Variants in NMU observed in about 807,000 individuals in gnomAD.
The protein encoded by NMU is neuromedin U, also known as neuromedin-U.
NMU carries 29 observed loss-of-function variants against 35.4 expected under a neutral mutation model. The observed-to-expected ratio is 0.82, with a 90% CI of 0.61 to 1.12. The LOEUF is 1.12. Ranked by LOEUF, NMU falls within the 50% of genes most tolerant of loss-of-function variation. The pLI is 0.00. For missense variants in NMU, 199 were observed against 206.2 expected, an observed-to-expected ratio of 0.97 and a Z score of 0.21; for synonymous variants, 78 against 81.3, an observed-to-expected ratio of 0.96 and a Z score of 0.22.
intron 9 of NMU, among the ~76,000 whole-genome samples, chr4:55,597,402 CTT>C (rs1733231338): frequency 6.7e-6 from 1 of 149,620 alleles, no homozygotes; most frequent in African/African-American, 2.5e-5. Flanking sequence ...TTTTTTTGCT[CTT>C]GTTGCCCAGG....
chr4:55,604,023 A>ATATGTATATATACATGTG (rs1733565837), intron 7 of NMU, among the ~76,000 whole-genome samples: 1 of 131,554 alleles, frequency 7.6e-6, no homozygotes, highest in Non-Finnish European at 1.7e-5. Flanking sequence ...ATGTGTATAT[A>ATATGTATATATACATGTG]TATAATCCTA....
intron 4 of NMU, among the ~76,000 whole-genome samples, chr4:55,607,999 T>A (rs1733764341): frequency 6.6e-6 from 1 of 151,886 alleles, no homozygotes; most frequent in Non-Finnish European, 1.5e-5. Context: ...TGAAACCCTG[T>A]CTCTACTAAA....
chr4:55,616,254 A>G lies in NMU; in HGVS notation c.219+84T>C, dbSNP rs537377315. Reference sequence around the variant, plus strand: ...CACGTTGACATGTTTTCACGAACACATAAAGGTTCCAAAGGCAGCAATGGA... The same window carrying G: ...CACGTTGACATGTTTTCACGAACACGTAAAGGTTCCAAAGGCAGCAATGGA... On this transcript the variant is annotated intron_variant, in intron 3 of 9. Transcript: ENST00000264218. 5 of 931,534 alleles carry G rather than the reference A, an allele frequency of 5.4e-6. No individual in the cohort carries two copies. In the Admixed American group the frequency reaches 8.5e-5, roughly 16 times the overall value. 57.7% of individuals were successfully genotyped at this position (931,534 alleles called of 1,614,324 possible). A position where few individuals can be genotyped will look rare whatever the true frequency, so the allele number is the denominator to read the frequency against.
At chr4:55,632,332 A>G (rs1028126450) in intron 1 of NMU, among the ~76,000 whole-genome samples, 2 of 152,194 alleles carry the variant, frequency 1.3e-5, no homozygotes, top group African/African-American at 4.8e-5. Flanking sequence ...AATTCATACA[A>G]GTTTTTACTA....
chr4:55,628,371 T>A (rs1734618529), intron 2 of NMU, among the ~76,000 whole-genome samples: 1 of 152,294 alleles, frequency 6.6e-6, no homozygotes, highest in East Asian at 1.9e-4. Context: ...TTTTTTTGAC[T>A]TCCCCCTGCC....
intron 2 of NMU, among the ~76,000 whole-genome samples, chr4:55,625,917 C>T (rs1734509109): frequency 6.6e-6 from 1 of 151,994 alleles, no homozygotes; most frequent in Non-Finnish European, 1.5e-5. Flanking sequence ...CAGTGACAGA[C>T]AGCTGGGTTT....
chr4:55,601,583 C>G (rs776170449), intron 7 of NMU, among the ~76,000 whole-genome samples: 1 of 151,788 alleles, frequency 6.6e-6, no homozygotes, highest in African/African-American at 2.4e-5. Context: ...CATGTACCCC[C>G]AAAATATGTA....
chr4:55,604,027 A>ATATACATGTGTATATATACAC (rs1733567304), intron 7 of NMU, among the ~76,000 whole-genome samples: 32 of 28,896 alleles, frequency 1.1e-3, no homozygotes, highest in South Asian at 2.3e-3. Flanking sequence ...GTATATATAT[A>ATATACATGTGTATATATACAC]ATCCTAGAAA....
rs150933388 is a variant in NMU, at chr4:55,604,730, G to A, written c.435+545C>T. On this transcript the variant is annotated intron_variant, in intron 7 of 9. Coordinates refer to ENST00000264218, the MANE Select transcript of NMU (RefSeq NM_006681.4). ...GTATTTTTAGTAGGGACGGGGTTTC[G>A]CCATGTTGCCAAGGCTGGTCTTGAA... Among the ~76,000 whole-genome samples, 555 of 128,632 alleles carry A rather than the reference G, an allele frequency of 4.3e-3. 5 individuals carry two copies. Among genetic ancestry groups the A allele is most frequent in the African/African-American group, 0.015 (511 of 34,064 alleles). 84.4% of individuals were successfully genotyped at this position (128,632 alleles called of 152,430 possible). A position where few individuals can be genotyped will look rare whatever the true frequency, so the allele number is the denominator to read the frequency against.
At chr4:55,632,586 T>C (rs985323637) in intron 1 of NMU, among the ~76,000 whole-genome samples, 2 of 152,214 alleles carry the variant, frequency 1.3e-5, no homozygotes, top group African/African-American at 4.8e-5. Context: ...GTCACAGTTA[T>C]CTGGTAGATC....
chr4:55,619,130 T>G (rs1323998771), intron 2 of NMU, among the ~76,000 whole-genome samples: 2 of 152,078 alleles, frequency 1.3e-5, no homozygotes, highest in African/African-American at 2.4e-5. Flanking sequence ...CCTCGGCCTG[T>G]CAAAGAACTG....
intron 3 of NMU, among the ~76,000 whole-genome samples, chr4:55,612,802 T>A (rs1175247453): frequency 1.3e-5 from 2 of 152,238 alleles, no homozygotes; most frequent in Non-Finnish European, 2.9e-5. Flanking sequence ...AATATCTTAT[T>A]TTTAAATGTA....
intron 7 of NMU, among the ~76,000 whole-genome samples, chr4:55,602,019 T>TA (rs1263562037): frequency 6.6e-6 from 1 of 151,390 alleles, no homozygotes; most frequent in Non-Finnish European, 1.5e-5. Context: ...ATAATACAAA[T>TA]AAAAAAATTC....
intron 6 of NMU, 60 bp from the exon 7 acceptor site, chr4:55,605,409 G>A (rs1733639984): frequency 1.7e-6 from 2 of 1,189,866 alleles, no homozygotes; most frequent in Non-Finnish European, 2.5e-6. Context: ...TGGCCATCAA[G>A]ACGGTTTCCT....
chr4:55,600,032 GA>G (rs1046289214), intron 8 of NMU, among the ~76,000 whole-genome samples: 1 of 151,994 alleles, frequency 6.6e-6, no homozygotes, highest in Non-Finnish European at 1.5e-5. Flanking sequence ...TAGCTGCCTA[GA>G]AAAAAACCTC....
intron 3 of NMU, among the ~76,000 whole-genome samples, chr4:55,611,485 T>C (rs1733929437): frequency 1.3e-5 from 2 of 152,232 alleles, no homozygotes; most frequent in Non-Finnish European, 2.9e-5. Context: ...ACAGTGTTTA[T>C]GAAATCTGCA....
intron 1 of NMU, among the ~76,000 whole-genome samples, chr4:55,631,173 C>T (rs1734739385): frequency 6.6e-6 from 1 of 152,082 alleles, no homozygotes; most frequent in African/African-American, 2.4e-5. Context: ...TAAAAATCAA[C>T]TCAAGACCTA....
chr4:55,596,560 C>T (rs1454061343), intron 9 of NMU, among the ~76,000 whole-genome samples: 1 of 151,808 alleles, frequency 6.6e-6, no homozygotes, highest in Non-Finnish European at 1.5e-5. Context: ...TCCATTAGCT[C>T]TCTGTTCTTT....
At chr4:55,597,328 C>CT (rs1177155281) in intron 9 of NMU, among the ~76,000 whole-genome samples, 1 of 151,254 alleles carries the variant, frequency 6.6e-6, no homozygotes, top group African/African-American at 2.4e-5. Flanking sequence ...GGTATAGTTT[C>CT]TTTTTTTTCT....
Sources: gnomAD v4.1 joint callset for allele counts (sites outside exome capture counted in the v4.1 genomes callset) on GRCh38, gnomAD v4.1.1 for gene constraint, MANE v1.5 for transcripts, NCBI Gene and HGNC (gene_info 2026-07-23, HGNC 2026-07-21) for gene names.